DYM: variants seen among roughly 807,000 people sequenced by gnomAD.
The protein encoded by DYM is dyggve-Melchior-Clausen syndrome protein.
In DYM, 78 loss-of-function variants were observed where a neutral mutation model predicts 93.1. That is an observed-to-expected ratio of 0.84 (90% CI 0.70 to 1.01). The LOEUF is 1.01. Ranked by LOEUF, DYM falls within the 50% of genes least tolerant of loss-of-function variation. The pLI is 0.00. For missense variants in DYM, 789 were observed against 845.0 expected (o/e 0.93, Z 0.82); for synonymous variants, 321 against 319.7 (o/e 1.00, Z -0.04).
chr18:49,161,306 G>A (rs8094480), intron 15 of DYM, among the ~76,000 whole-genome samples: 97,626 of 151,944 alleles, frequency 0.64, 32,061 homozygotes, highest in Non-Finnish European at 0.73. Flanking sequence ...TACCTCCATG[G>A]TTGGCAAATA....
At chr18:49,361,753 C>T (rs2066042674) in intron 6 of DYM, among the ~76,000 whole-genome samples, 1 of 152,104 alleles carries the variant, frequency 6.6e-6, no homozygotes, top group Non-Finnish European at 1.5e-5. Flanking sequence ...CGTAGTCTCG[C>T]TCTGTAGCCC....
At chr18:49,054,863 G>C (rs1357960856) in intron 17 of DYM, among the ~76,000 whole-genome samples, 1 of 152,156 alleles carries the variant, frequency 6.6e-6, no homozygotes, top group Admixed American at 6.5e-5. Context: ...AAGACTCTTC[G>C]GGAAAACATG....
intron 13 of DYM, among the ~76,000 whole-genome samples, chr18:49,230,658 A>G (rs2093668977): frequency 6.6e-6 from 1 of 152,222 alleles, no homozygotes; most frequent in Non-Finnish European, 1.5e-5. Context: ...ATTAGAGAAG[A>G]GTTATTTCTC....
chr18:49,273,164 T>C (rs888822085), intron 10 of DYM, among the ~76,000 whole-genome samples: 8 of 152,170 alleles, frequency 5.3e-5, no homozygotes, highest in African/African-American at 1.9e-4. Flanking sequence ...GGCACACCTA[T>C]TGCAGGAAGC....
At position 49,095,447 on chromosome 18, in the gene DYM, GT is replaced by G. The variant is rs202172264; in HGVS notation, c.2025+1954del. Among the ~76,000 whole-genome samples, 444 of 142,412 alleles carry G rather than the reference GT, an allele frequency of 3.1e-3. 1 individual carries two copies. The highest frequency in any genetic ancestry group is 8.6e-3 in the African/African-American group (337 of 39,062). The allele number at this position is 142,412 out of a possible 152,430, so 93.4% of individuals were successfully genotyped here. On this transcript the variant is annotated intron_variant, in intron 17 of 17. Coordinates refer to ENST00000675505, the MANE Select transcript of DYM (RefSeq NM_001353214.3). ...AATCTTTTCTAGTACTGGTGATAGT[GT>G]TTTTTTTTTTTTGTTTTGTTTTTAA... is the stretch of plus-strand genomic sequence containing the variant.
chr18:49,188,492 T>C (rs1020816190), intron 14 of DYM, among the ~76,000 whole-genome samples: 1 of 152,154 alleles, frequency 6.6e-6, no homozygotes, highest in African/African-American at 2.4e-5. Flanking sequence ...TGGGTACACA[T>C]GGAATACTAT....
intron 2 of DYM, among the ~76,000 whole-genome samples, chr18:49,419,766 A>G (rs1290627832): frequency 6.6e-6 from 1 of 152,242 alleles, no homozygotes; most frequent in Non-Finnish European, 1.5e-5. Context: ...TTCCTTAAAC[A>G]TGGTACATAT....
chr18:49,271,238 C>A (rs764914787), intron 11 of DYM, among the ~76,000 whole-genome samples: 2 of 151,962 alleles, frequency 1.3e-5, no homozygotes, highest in Non-Finnish European at 2.9e-5. Context: ...AAAAACAGGG[C>A]AATGATGTGC....
chr18:49,274,304 G>A (rs2145584721), intron 10 of DYM, among the ~76,000 whole-genome samples: 1 of 152,162 alleles, frequency 6.6e-6, no homozygotes, highest in East Asian at 1.9e-4. Flanking sequence ...GTTCATCCAT[G>A]CTGCAGTATG....
At chr18:49,318,857 G>A (rs1171469576) in intron 8 of DYM, among the ~76,000 whole-genome samples, 1 of 139,180 alleles carries the variant, frequency 7.2e-6, no homozygotes, top group East Asian at 2.1e-4. Context: ...CTGGAGTGCA[G>A]TGGCACGATC....
chr18:49,149,702 G>GTTTTTTT (rs35259913), intron 15 of DYM, among the ~76,000 whole-genome samples: 19 of 76,846 alleles, frequency 2.5e-4, no homozygotes, highest in Non-Finnish European at 3.5e-4. Context: ...ATTACAAAGT[G>GTTTTTTT]TTTTTTTTTT....
At chr18:49,075,886 A>G (rs2077261426) in intron 17 of DYM, among the ~76,000 whole-genome samples, 2 of 152,254 alleles carry the variant, frequency 1.3e-5, no homozygotes, top group South Asian at 4.1e-4. Flanking sequence ...GCTAGTTTAC[A>G]GTAAAGATCT....
intron 15 of DYM, among the ~76,000 whole-genome samples, chr18:49,158,146 G>T (rs1230263172): frequency 8.5e-5 from 13 of 152,116 alleles, no homozygotes; most frequent in Admixed American, 8.5e-4. Flanking sequence ...TTTCAATGAA[G>T]ACTGCCACAG....
intron 15 of DYM, among the ~76,000 whole-genome samples, chr18:49,136,765 A>G (rs1376913686): frequency 4.6e-5 from 7 of 152,188 alleles, no homozygotes; most frequent in Non-Finnish European, 2.9e-5. Context: ...GAAATGCAGG[A>G]AAATGCTATT....
intron 8 of DYM, among the ~76,000 whole-genome samples, chr18:49,315,511 C>T (rs1215428695): frequency 1.3e-5 from 2 of 152,170 alleles, no homozygotes; most frequent in African/African-American, 4.8e-5. Flanking sequence ...GAGAAGTCAC[C>T]TCTTTCCACC....
intron 9 of DYM, 59 bp from the exon 10 acceptor site, chr18:49,282,234 T>C (rs768174078): frequency 1.9e-4 from 280 of 1,452,462 alleles, no homozygotes; most frequent in Non-Finnish European, 2.6e-4. Context: ...TAAATAAAAA[T>C]ATTGTTAAAG....
chr18:49,420,811 C>A lies in DYM; in HGVS notation c.140+9444G>T, dbSNP rs140016997. Among the ~76,000 whole-genome samples the A allele has an allele frequency of 2.6e-3, 400 of 152,250 alleles. 2 individuals are homozygous for A. Among genetic ancestry groups the A allele is most frequent in the Non-Finnish European group, 5.1e-3 (347 of 68,024 alleles). Reference sequence around the variant, plus strand: ...ACCTGGAAAATCAGGTCACTCCCACCCTAATACTGCCCTTTTCCAACAATC... The same window carrying A: ...ACCTGGAAAATCAGGTCACTCCCACACTAATACTGCCCTTTTCCAACAATC... On this transcript the variant is annotated intron_variant, in intron 2 of 17. Coordinates refer to ENST00000675505, the MANE Select transcript of DYM (RefSeq NM_001353214.3).
chr18:49,042,224 G>A lies in DYM; in HGVS notation c.*1831C>T, dbSNP rs775625337. 2 of 153,110 alleles carry A rather than the reference G, an allele frequency of 1.3e-5. No individual in the cohort carries two copies. The highest frequency in any genetic ancestry group is 1.9e-4 in the East Asian group (1 of 5,198). The allele number at this position is 153,110 out of a possible 1,614,324, so 9.5% of individuals were successfully genotyped here. ...CATGGGCTCTGAGGTGAACACAGGA[G>A]TCAGAGTCCCCACTCCAGCAGTGAC... On this transcript the variant is annotated 3_prime_UTR_variant, in exon 18 of 18. Transcript: ENST00000675505.
chr18:49,419,658 C>T (rs1391365215), intron 2 of DYM, among the ~76,000 whole-genome samples: 2 of 152,154 alleles, frequency 1.3e-5, no homozygotes, highest in African/African-American at 4.8e-5. Flanking sequence ...CAAGATCCCC[C>T]AATCTTCCAA....
Sources: gnomAD v4.1 joint callset for allele counts (sites outside exome capture counted in the v4.1 genomes callset) on GRCh38, gnomAD v4.1.1 for gene constraint, MANE v1.5 for transcripts, NCBI Gene and HGNC (gene_info 2026-07-23, HGNC 2026-07-21) for gene names.